TMEM114: variants seen among roughly 807,000 people sequenced by gnomAD.
The protein encoded by TMEM114 is claudin-26.
A neutral mutation model predicts 6.2 loss-of-function variants in TMEM114; 6 were observed. The ratio of observed to expected loss-of-function variants is 0.97; its 90% CI spans 0.53 to 1.91. TMEM114 has a LOEUF of 1.91. Among genes scored for constraint, TMEM114 ranks in the 40% most tolerant of loss-of-function variants. The pLI, the probability that TMEM114 is intolerant of heterozygous loss-of-function variation, is 0.01. For missense variants in TMEM114, 218 were observed against 158.3 expected (o/e 1.38, Z -2.02); for synonymous variants, 104 against 73.0 (o/e 1.42, Z -2.16).
chr16:8,563,658 T>G (rs572111614), intron 2 of TMEM114, among the ~76,000 whole-genome samples: 3 of 151,160 alleles, frequency 2.0e-5, no homozygotes, highest in African/African-American at 4.9e-5. Flanking sequence ...AGTGAATGAG[T>G]GAGCGAATAA....
intron 2 of TMEM114, among the ~76,000 whole-genome samples, chr16:8,577,715 C>T (rs868385646): frequency 6.6e-6 from 1 of 152,050 alleles, no homozygotes; most frequent in African/African-American, 2.4e-5. Context: ...TCCTGAGGAG[C>T]TGGGACTATA....
At chr16:8,564,323 G>C (rs1298651556) in intron 2 of TMEM114, among the ~76,000 whole-genome samples, 14 of 146,562 alleles carry the variant, frequency 9.6e-5, no homozygotes, top group South Asian at 2.2e-4. Context: ...GTGAATGAGT[G>C]AGTTAGAGAA....
At chr16:8,557,992 A>T (rs912184743) in intron 2 of TMEM114, among the ~76,000 whole-genome samples, 1 of 152,156 alleles carries the variant, frequency 6.6e-6, no homozygotes, top group Non-Finnish European at 1.5e-5. Flanking sequence ...AGTGGCTCAC[A>T]CCTGTAATCC....
At chr16:8,549,382 C>G (rs1366447126) in intron 2 of TMEM114, among the ~76,000 whole-genome samples, 2 of 151,550 alleles carry the variant, frequency 1.3e-5, no homozygotes, top group Non-Finnish European at 2.9e-5. Context: ...CACCTGTAGT[C>G]TCAGCTACTC....
intron 3 of TMEM114, among the ~76,000 whole-genome samples, chr16:8,571,631 T>C (rs1901735965): frequency 7.6e-6 from 1 of 131,252 alleles, no homozygotes; most frequent in Non-Finnish European, 1.6e-5. Flanking sequence ...TTTCTGTGAA[T>C]TTGACTCTTC....
chr16:8,547,436 A>G (rs1477614481), intron 2 of TMEM114, among the ~76,000 whole-genome samples: 1 of 144,260 alleles, frequency 6.9e-6, no homozygotes, highest in Non-Finnish European at 1.5e-5. Context: ...TCTGTCACCC[A>G]GGCTGGAGTG....
At chr16:8,575,509 G>C (rs148605621) in intron 2 of TMEM114, among the ~76,000 whole-genome samples, 2 of 152,234 alleles carry the variant, frequency 1.3e-5, no homozygotes, top group African/African-American at 4.8e-5. Flanking sequence ...GATAAACCAG[G>C]ACAACTGGTC....
At chr16:8,537,072 G>T (rs538329126), downstream of TMEM114, among the ~76,000 whole-genome samples, 3 of 152,202 alleles carry the variant, frequency 2.0e-5, no homozygotes, top group East Asian at 5.8e-4. Flanking sequence ...TGGACTTGGT[G>T]GTGCATACCT....
chr16:8,546,264 C>A (rs1412714367), intron 2 of TMEM114, among the ~76,000 whole-genome samples: 1 of 152,192 alleles, frequency 6.6e-6, no homozygotes, highest in Non-Finnish European at 1.5e-5. Context: ...TAACTCATTT[C>A]AAACTGGTAA....
chr16:8,572,145 G>C lies in TMEM114; in HGVS notation c.381C>G (p.Ser127Arg). The C allele has an allele frequency of 6.4e-7, 1 of 1,551,590 alleles. No homozygotes were observed. Among genetic ancestry groups the C allele is most frequent in the South Asian group, 1.2e-5 (1 of 84,050 alleles). Residue 127 changes from serine to arginine, a missense_variant, in exon 3 of 4, where the codon AGC (serine) becomes AGG (arginine). Transcript: ENST00000620492. ...GGAGGAGGTAGGCTTGGAGGAGGAAGCTCAGAAACCCCGTCATCCCCCCAA... is the reference window on the plus strand; with the variant it reads ...GGAGGAGGTAGGCTTGGAGGAGGAACCTCAGAAACCCCGTCATCCCCCCAA... ...MVFGGMTGFL[S>R]FLLQAYLLLL...
chr16:8,584,952 G>GAAGAA (rs1157771011), intron 2 of TMEM114, among the ~76,000 whole-genome samples: 17 of 147,666 alleles, frequency 1.2e-4, no homozygotes, highest in African/African-American at 2.0e-4. Context: ...AGAAGAAGAA[G>GAAGAA]AAGAAAAGAA....
intron 2 of TMEM114, among the ~76,000 whole-genome samples, chr16:8,543,693 G>T (rs1900582494): frequency 6.6e-6 from 1 of 152,064 alleles, no homozygotes; most frequent in Admixed American, 6.5e-5. Context: ...TTCTAACATG[G>T]ACTGTATCAC....
chr16:8,532,748 C>A (rs976728560), downstream of TMEM114, among the ~76,000 whole-genome samples: 2 of 152,036 alleles, frequency 1.3e-5, no homozygotes, highest in African/African-American at 4.8e-5. Context: ...CATGGTGAAA[C>A]CCCGTCTCTA....
intron 2 of TMEM114, among the ~76,000 whole-genome samples, chr16:8,542,894 A>G (rs1900556412): frequency 1.3e-5 from 2 of 152,192 alleles, no homozygotes; most frequent in South Asian, 2.1e-4. Flanking sequence ...GCCAGAATGT[A>G]TGGAGATTAA....
At chr16:8,562,870 A>G (rs28973143) in intron 2 of TMEM114, among the ~76,000 whole-genome samples, 17 of 129,502 alleles carry the variant, frequency 1.3e-4, no homozygotes, top group East Asian at 2.5e-4. Flanking sequence ...ATGAGTGAGT[A>G]AATGAGTGAG....
intron 2 of TMEM114, among the ~76,000 whole-genome samples, chr16:8,577,380 C>T (rs1901977111): frequency 6.6e-6 from 1 of 152,170 alleles, no homozygotes; most frequent in African/African-American, 2.4e-5. Context: ...CTGTCATTCC[C>T]TGTTGATGTT....
intron 2 of TMEM114, among the ~76,000 whole-genome samples, chr16:8,588,282 G>A (rs1902376932): frequency 5.0e-5 from 4 of 79,698 alleles, no homozygotes; most frequent in Admixed American, 4.8e-4. Context: ...GCAAGACCCT[G>A]TCTCAAAAAA....
At chr16:8,539,390 G>C (rs1195265076) in intron 2 of TMEM114, among the ~76,000 whole-genome samples, 5 of 152,098 alleles carry the variant, frequency 3.3e-5, no homozygotes, top group Non-Finnish European at 5.9e-5. Context: ...ACTTGCCCCT[G>C]GCCCGAGTGA....
chr16:8,548,408 A>G (rs1054063196), intron 2 of TMEM114, among the ~76,000 whole-genome samples: 1 of 152,206 alleles, frequency 6.6e-6, no homozygotes, highest in Admixed American at 6.5e-5. Flanking sequence ...ATTCTCAGAT[A>G]CTAGCCATGT....
Sources: gnomAD v4.1 joint callset for allele counts (sites outside exome capture counted in the v4.1 genomes callset) on GRCh38, gnomAD v4.1.1 for gene constraint, MANE v1.5 for transcripts, NCBI Gene and HGNC (gene_info 2026-07-23, HGNC 2026-07-21) for gene names.